WDPCP: variants seen among roughly 807,000 people sequenced by gnomAD.
WDPCP encodes WD repeat containing planar cell polarity effector, also known as WD repeat-containing and planar cell polarity effector protein fritz homolog.
A neutral mutation model predicts 93.1 loss-of-function variants in WDPCP; 71 were observed. The observed-to-expected ratio is 0.76, with a 90% CI of 0.63 to 0.93. The LOEUF is 0.93. WDPCP is among the 40% of genes least tolerant of loss of function. The pLI is 0.00. For synonymous variants in WDPCP, 315 were observed against 315.0 expected, an observed-to-expected ratio of 1.00 and a Z score of 0.00; for missense variants, 844 against 887.4, an observed-to-expected ratio of 0.95 and a Z score of 0.62.
Position 63,282,984 on chromosome 2 carries a change from A to G in WDPCP, c.1813-23575T>C, listed in dbSNP as rs993892009. ...GATTCAACATAGCGTTTGGCTTGGG[A>G]AAAATTGAAGTTTTGCTTTTTGGAA... On this transcript the variant is annotated intron_variant, in intron 13 of 17. Transcript: ENST00000272321. 3.3e-5 allele frequency among the ~76,000 whole-genome samples: 5 copies of G among 152,192 alleles called. No homozygotes were observed. The East Asian group carries it at 9.6e-4, about 29-fold the overall frequency.
At chr2:63,451,420 A>G (rs1457655893) in intron 6 of WDPCP, among the ~76,000 whole-genome samples, 4 of 152,204 alleles carry the variant, frequency 2.6e-5, no homozygotes, top group Non-Finnish European at 2.9e-5. Context: ...TGAATAGACC[A>G]ATAACAGGAT....
At position 63,433,751 on chromosome 2, in the gene WDPCP, T is replaced by C. The variant is rs1330408889; in HGVS notation, c.819A>G (p.Arg273=). The C allele has an allele frequency of 6.2e-7, 1 of 1,612,196 alleles. No homozygotes were observed. The highest frequency in any genetic ancestry group is 8.5e-7 in the Non-Finnish European group (1 of 1,179,024). ...ATATTTGTTTTAGATTTACCTCTAG[T>C]CTTCCTTGAGCATAACCCAGGAGGA... ...NLLLLGYAQG[R]LEVLSSVRTE... The change falls in exon 9 of 18, where the codon AGA becomes AGG. Residue 273 remains arginine (R), a synonymous_variant. Transcript: ENST00000272321.
chr2:63,734,897 A>C (rs1450942580), intron 2 of WDPCP, among the ~76,000 whole-genome samples: 1 of 151,462 alleles, frequency 6.6e-6, no homozygotes, highest in East Asian at 1.9e-4. Flanking sequence ...AGACAGACAG[A>C]CAGACAGACA....
At chr2:63,757,075 G>A (rs551859907) in intron 2 of WDPCP, among the ~76,000 whole-genome samples, 5 of 152,218 alleles carry the variant, frequency 3.3e-5, no homozygotes, top group South Asian at 2.1e-4. Context: ...GTCCAAATTG[G>A]TTATATATGA....
chr2:63,528,441 C>A (rs1208445949), intron 1 of WDPCP, among the ~76,000 whole-genome samples: 2 of 152,202 alleles, frequency 1.3e-5, no homozygotes, highest in Non-Finnish European at 2.9e-5. Context: ...ATATGACTAG[C>A]CAGTTTTCCC....
At chr2:63,491,500 A>C (rs1165686548) in intron 2 of WDPCP, among the ~76,000 whole-genome samples, 1 of 152,154 alleles carries the variant, frequency 6.6e-6, no homozygotes, top group Non-Finnish European at 1.5e-5. Flanking sequence ...CATTCCAGAG[A>C]GGAATATCTC....
intron 3 of WDPCP, among the ~76,000 whole-genome samples, chr2:63,626,436 C>T (rs1367643130): frequency 6.6e-6 from 1 of 152,120 alleles, no homozygotes; most frequent in African/African-American, 2.4e-5. Flanking sequence ...TGCAATCTAT[C>T]TATCTGACAG....
At chr2:63,393,803 C>T (rs1337380749) in intron 10 of WDPCP, among the ~76,000 whole-genome samples, 1 of 151,810 alleles carries the variant, frequency 6.6e-6, no homozygotes, top group East Asian at 1.9e-4. Flanking sequence ...TTGACAAAGT[C>T]AACAAAAACA....
At chr2:63,410,155 T>A (rs911248974) in intron 9 of WDPCP, among the ~76,000 whole-genome samples, 2 of 152,154 alleles carry the variant, frequency 1.3e-5, no homozygotes, top group African/African-American at 4.8e-5. Context: ...ACCTATCAGA[T>A]TAACAGCAGA....
intron 2 of WDPCP, among the ~76,000 whole-genome samples, chr2:63,711,008 A>G (rs182587419): frequency 9.8e-5 from 15 of 152,306 alleles, no homozygotes; most frequent in African/African-American, 3.1e-4. Flanking sequence ...CAGTTCAGAG[A>G]AGGAAACAAC....
At chr2:63,498,901 C>G (rs1260745853) in intron 1 of WDPCP, among the ~76,000 whole-genome samples, 2 of 152,122 alleles carry the variant, frequency 1.3e-5, no homozygotes, top group Non-Finnish European at 2.9e-5. Context: ...TGCAAAGAAC[C>G]TAAGGTAAAT....
chr2:63,811,815 G>T (rs1403378613), intron 2 of WDPCP, among the ~76,000 whole-genome samples: 2 of 152,146 alleles, frequency 1.3e-5, no homozygotes, highest in East Asian at 3.9e-4. Context: ...TTGTGTTCAT[G>T]TGTACCCACT....
intron 2 of WDPCP, among the ~76,000 whole-genome samples, chr2:63,791,767 G>A (rs550986793): frequency 5.9e-5 from 9 of 152,118 alleles, no homozygotes; most frequent in African/African-American, 1.9e-4. Flanking sequence ...CCTAACAGAC[G>A]TAGGGTTGAT....
chr2:63,689,252 T>A (rs1322795851), intron 2 of WDPCP, among the ~76,000 whole-genome samples: 1 of 152,170 alleles, frequency 6.6e-6, no homozygotes, highest in African/African-American at 2.4e-5. Context: ...ATCCAGGGTA[T>A]TGTCAGCAAC....
At chr2:63,249,695 T>G (rs1335571936) in intron 14 of WDPCP, among the ~76,000 whole-genome samples, 1 of 152,294 alleles carries the variant, frequency 6.6e-6, no homozygotes, top group South Asian at 2.1e-4. Context: ...AGTGTGGAAC[T>G]GAAAGAAGGA....
chr2:63,656,239 A>G (rs1337513318), intron 2 of WDPCP, among the ~76,000 whole-genome samples: 1 of 152,110 alleles, frequency 6.6e-6, no homozygotes, highest in Non-Finnish European at 1.5e-5. Flanking sequence ...TGCTGCAACA[A>G]CCTGTCTACT....
chr2:63,395,262 T>C (rs1693620087), intron 10 of WDPCP, among the ~76,000 whole-genome samples: 1 of 152,100 alleles, frequency 6.6e-6, no homozygotes, highest in African/African-American at 2.4e-5. Context: ...GATTTAGGGA[T>C]ACAAGTGCAG....
chr2:63,397,587 G>A (rs549151764), intron 10 of WDPCP, among the ~76,000 whole-genome samples: 1 of 152,162 alleles, frequency 6.6e-6, no homozygotes, highest in Non-Finnish European at 1.5e-5. Flanking sequence ...GGCAGAAGAA[G>A]AGCATAAAAA....
At chr2:63,793,540 G>T (rs1468440074) in intron 2 of WDPCP, among the ~76,000 whole-genome samples, 1 of 152,170 alleles carries the variant, frequency 6.6e-6, no homozygotes, top group Non-Finnish European at 1.5e-5. Flanking sequence ...GAGCCTAGGA[G>T]TTCAAGATTA....
Sources: allele counts gnomAD v4.1 joint callset (sites outside exome capture counted in the v4.1 genomes callset), GRCh38; gene constraint gnomAD v4.1.1; transcripts MANE v1.5; gene names NCBI Gene and HGNC (gene_info 2026-07-23, HGNC 2026-07-21).